The following NFYB variants were observed in gnomAD, a reference collection of about 807,000 sequenced individuals.
NFYB encodes the protein nuclear transcription factor Y subunit beta.
Under a neutral mutation model 28.0 loss-of-function variants are expected in NFYB, and 13 were observed. The ratio of observed to expected loss-of-function variants is 0.46; its 90% CI spans 0.30 to 0.74. The LOEUF (loss-of-function observed/expected upper bound fraction) is 0.74. Ranked by LOEUF, NFYB falls within the 30% of genes least tolerant of loss-of-function variation. The pLI is 0.07. For missense variants in NFYB, 142 were observed against 247.6 expected, an observed-to-expected ratio of 0.57 and a Z score of 2.86; for synonymous variants, 74 against 75.0, an observed-to-expected ratio of 0.99 and a Z score of 0.07.
chr12:104,136,391 G>GA (rs1486582745), intron 1 of NFYB, among the ~76,000 whole-genome samples: 1 of 152,094 alleles, frequency 6.6e-6, no homozygotes, highest in Admixed American at 6.6e-5. Context: ...GCAAATAGCA[G>GA]AAAAAATTGT....
intron 5 of NFYB, among the ~76,000 whole-genome samples, 177 bp downstream of exon 5, chr12:104,123,049 G>A (rs184056088): frequency 4.6e-5 from 7 of 151,896 alleles, no homozygotes; most frequent in East Asian, 3.9e-4. Flanking sequence ...GGTGGTGCAC[G>A]CCTGTAATCC....
In NFYB at chr12:104,127,663, CT is replaced by C. The variant is rs71069719; in HGVS notation, c.100+760del. Reference sequence around the variant, plus strand: ...TTCTGATAGGCCAACATAACACTGCCTTTTTTTTTTTTTTTTTTTTTGGAGA... The same window carrying C: ...TTCTGATAGGCCAACATAACACTGCCTTTTTTTTTTTTTTTTTTTTGGAGA... On this transcript the variant is annotated intron_variant, in intron 3 of 7. Coordinates refer to ENST00000240055, the MANE Select transcript of NFYB (RefSeq NM_006166.4). Among the ~76,000 whole-genome samples, 754 of 92,850 alleles carry C rather than the reference CT, an allele frequency of 8.1e-3. 2 individuals carry two copies. The highest frequency in any genetic ancestry group is 0.014 in the African/African-American group (293 of 21,544). 60.9% of individuals were successfully genotyped at this position (92,850 alleles called of 152,430 possible).
chr12:104,128,957 C>T (rs1329162407), intron 2 of NFYB, among the ~76,000 whole-genome samples: 4 of 152,148 alleles, frequency 2.6e-5, no homozygotes, highest in South Asian at 2.1e-4. Flanking sequence ...CATCAGCCAC[C>T]GCAACCAGCC....
intron 2 of NFYB, among the ~76,000 whole-genome samples, chr12:104,132,868 A>G (rs1345656118): frequency 1.3e-5 from 2 of 152,238 alleles, no homozygotes; most frequent in African/African-American, 2.4e-5. Flanking sequence ...CTGGAAGAGC[A>G]CAGCATGTAG....
At chr12:104,131,701 A>C (rs913827195) in intron 2 of NFYB, 12 of 455,426 alleles carry the variant, frequency 2.6e-5, no homozygotes, top group African/African-American at 6.0e-5. Flanking sequence ...CAGACTGTAG[A>C]TTGTCAGTAA....
At chr12:104,121,919 T>A (rs1411004508) in intron 5 of NFYB, among the ~76,000 whole-genome samples, 2 of 152,230 alleles carry the variant, frequency 1.3e-5, no homozygotes, top group African/African-American at 4.8e-5. Context: ...GTAATGTGAA[T>A]CTGACACCTA....
chr12:104,123,361 T>C lies in NFYB; in HGVS notation c.294A>G (p.Thr98=), dbSNP rs1452387271. The change falls in exon 5 of 8, where the codon ACA becomes ACG. Residue 98 remains threonine, a synonymous_variant. Transcript: ENST00000240055. ...GATGGCACCTTTCACTTGCTTCAGA[T>C]GTTATAAAACTGATGAACTCACTTA... ...ECVSEFISFI[T]SEASERCHQE... 6.2e-7 allele frequency: 1 copy of C among 1,614,176 alleles called. No individual in the cohort carries two copies. Among genetic ancestry groups the C allele is most frequent in the Non-Finnish European group, 8.5e-7 (1 of 1,180,004 alleles).
At chr12:104,131,902 G>A (rs978182633) in intron 2 of NFYB, 3 of 374,888 alleles carry the variant, frequency 8.0e-6, no homozygotes, top group Non-Finnish European at 1.6e-5. Flanking sequence ...ACAGGCTCTG[G>A]AATCGAATCA....
chr12:104,132,276 T>C (rs12423844), intron 2 of NFYB, among the ~76,000 whole-genome samples: 13,449 of 152,090 alleles, frequency 0.088, 872 homozygotes, highest in Admixed American at 0.17. Context: ...AAACGAATGT[T>C]CTAGGCAGAG....
chr12:104,131,013 T>C (rs2030903167), intron 2 of NFYB: 1 of 152,178 alleles, frequency 6.6e-6, no homozygotes, highest in Non-Finnish European at 1.5e-5. Flanking sequence ...AAATTGGCTA[T>C]GAGCAAGACA....
chr12:104,119,692 CAG>C lies in NFYB; in HGVS notation c.*43_*44del. ...CTGATGTCTCTGTTCCAGAATCATACAGACTCTCATTTCTCTACACTCCCCAT... is the reference window on the plus strand; with the variant it reads ...CTGATGTCTCTGTTCCAGAATCATACACTCTCATTTCTCTACACTCCCCAT... On this transcript the variant is annotated 3_prime_UTR_variant, in exon 8 of 8. Transcript: ENST00000240055. 1 of 1,446,230 alleles carries C rather than the reference CAG, an allele frequency of 6.9e-7. No individual in the cohort carries two copies. Among genetic ancestry groups the C allele is most frequent in the South Asian group, 1.2e-5 (1 of 85,284 alleles). 89.6% of individuals were successfully genotyped at this position (1,446,230 alleles called of 1,614,324 possible).
At chr12:104,133,835 G>A (rs2031009811) in intron 2 of NFYB, among the ~76,000 whole-genome samples, 1 of 151,926 alleles carries the variant, frequency 6.6e-6, no homozygotes, top group South Asian at 2.1e-4. Context: ...AACATGCTTA[G>A]TCTCCCTCAT....
chr12:104,137,483 T>G (rs2031149170), intron 1 of NFYB: 1 of 152,124 alleles, frequency 6.6e-6, no homozygotes, highest in Non-Finnish European at 1.5e-5. Context: ...CGCAGGTGCC[T>G]GGGTGGCCCC....
chr12:104,125,849 C>CAAAAAAAAAAA, intron 4 of NFYB, among the ~76,000 whole-genome samples: 1 of 72,204 alleles, frequency 1.4e-5, no homozygotes, highest in Non-Finnish European at 2.5e-5. Flanking sequence ...ACTCTGTCCC[C>CAAAAAAAAAAA]AAAAAAAAAA....
At chr12:104,136,121 CTTA>C (rs762048140) in intron 1 of NFYB, among the ~76,000 whole-genome samples, 56 of 152,152 alleles carry the variant, frequency 3.7e-4, no homozygotes, top group Non-Finnish European at 6.8e-4. Context: ...AATCAAGACC[CTTA>C]TTTATAATTT....
intron 3 of NFYB, among the ~76,000 whole-genome samples, chr12:104,126,967 T>C (rs2030740241): frequency 6.6e-6 from 1 of 152,244 alleles, no homozygotes; most frequent in Admixed American, 6.5e-5. Flanking sequence ...AACTAGTTTT[T>C]GAACAAAGCT....
intron 5 of NFYB, 69 bp downstream of exon 5, chr12:104,123,157 C>T: frequency 8.2e-7 from 1 of 1,221,700 alleles, no homozygotes; most frequent in South Asian, 1.5e-5. Flanking sequence ...GCCTGGGCAA[C>T]AGAGCGATAC....
At chr12:104,121,447 C>T in intron 5 of NFYB, 126 bp from the exon 6 acceptor site, 1 of 740,644 alleles carries the variant, frequency 1.4e-6, no homozygotes, top group East Asian at 2.5e-5. Flanking sequence ...TATTTATTAA[C>T]ACTTCTGGTT....
intron 4 of NFYB, among the ~76,000 whole-genome samples, chr12:104,124,053 C>A (rs1174625793): frequency 6.6e-6 from 1 of 152,198 alleles, no homozygotes; most frequent in African/African-American, 2.4e-5. Flanking sequence ...CTCTTAATAA[C>A]CCAGTGCCCC....
Sources: allele counts gnomAD v4.1 joint callset (sites outside exome capture counted in the v4.1 genomes callset), GRCh38; gene constraint gnomAD v4.1.1; transcripts MANE v1.5; gene names NCBI Gene and HGNC (gene_info 2026-07-23, HGNC 2026-07-21).